Variants in CADM2 observed in about 807,000 individuals in gnomAD.
CADM2 encodes cell adhesion molecule 2, also known as immunoglobulin superfamily member 4D.
A neutral mutation model predicts 49.8 loss-of-function variants in CADM2; 12 were observed. That is an observed-to-expected ratio of 0.24 (90% confidence interval 0.15 to 0.39). CADM2 has a LOEUF of 0.39. CADM2 is among the 10% of genes least tolerant of loss of function. CADM2 has a pLI of 1.00. For synonymous variants in CADM2, 214 were observed against 175.4 expected (o/e 1.22, Z -1.74); for missense variants, 378 against 492.3 (o/e 0.77, Z 2.20).
chr3:85,951,430 A>G (rs1167706658), intron 7 of CADM2, among the ~76,000 whole-genome samples: 1 of 151,096 alleles, frequency 6.6e-6, no homozygotes, highest in African/African-American at 2.4e-5. Context: ...TTCTCTGTAC[A>G]TTTATGCTTC....
intron 8 of CADM2, among the ~76,000 whole-genome samples, chr3:85,985,242 T>C (rs1336222238): frequency 2.0e-5 from 3 of 151,990 alleles, no homozygotes; most frequent in Non-Finnish European, 4.4e-5. Context: ...CTTCTACCTG[T>C]CTTTCCATGT....
chr3:85,977,124 A>C (rs1330752366), intron 8 of CADM2, among the ~76,000 whole-genome samples: 1 of 151,024 alleles, frequency 6.6e-6, no homozygotes, highest in Non-Finnish European at 1.5e-5. Flanking sequence ...AAATACTACT[A>C]TAATAATAAT....
intron 8 of CADM2, among the ~76,000 whole-genome samples, chr3:85,978,402 T>C (rs1235437288): frequency 2.0e-5 from 3 of 151,638 alleles, no homozygotes; most frequent in African/African-American, 7.3e-5. Flanking sequence ...ACACTTCAAG[T>C]ATATGTTCAG....
chr3:85,544,061 A>G (rs1288930163), intron 1 of CADM2, among the ~76,000 whole-genome samples: 1 of 152,222 alleles, frequency 6.6e-6, no homozygotes, highest in Non-Finnish European at 1.5e-5. Context: ...GTACAAAAAG[A>G]GAAAAAATTA....
intron 1 of CADM2, among the ~76,000 whole-genome samples, chr3:85,412,678 C>G (rs368981254): frequency 2.3e-4 from 35 of 152,002 alleles, no homozygotes; most frequent in African/African-American, 8.2e-4. Context: ...ACAAAATTAT[C>G]ATCCTATTGA....
rs868412289 is a variant in CADM2, at chr3:85,832,860, A to G, written c.238+30664A>G. On this transcript the variant is annotated intron_variant, in intron 3 of 9. Coordinates refer to ENST00000383699, the MANE Select transcript of CADM2 (RefSeq NM_001167675.2). ...TAAAGTGTTGAATAGGAGTGGTGAG[A>G]GTGGGCATCCTCATCTTGTTACATC... is the stretch of plus-strand genomic sequence containing the variant. 3.3e-5 allele frequency among the ~76,000 whole-genome samples: 5 copies of G among 151,866 alleles called. No individual in the cohort carries two copies. In the South Asian group the frequency reaches 6.2e-4, roughly 19 times the overall value.
intron 1 of CADM2, among the ~76,000 whole-genome samples, chr3:85,496,855 T>G (rs1162988616): frequency 6.6e-6 from 1 of 152,188 alleles, no homozygotes; most frequent in African/African-American, 2.4e-5. Context: ...ATTTATTTTC[T>G]AATTTTTTAG....
chr3:85,901,057 C>A (rs922959436), intron 5 of CADM2, among the ~76,000 whole-genome samples: 1 of 152,054 alleles, frequency 6.6e-6, no homozygotes, highest in Non-Finnish European at 1.5e-5. Context: ...ATTAGCTGGG[C>A]GTGGTGGTGC....
At chr3:84,979,704 AG>A (rs1286903156) in intron 1 of CADM2, among the ~76,000 whole-genome samples, 3 of 152,102 alleles carry the variant, frequency 2.0e-5, no homozygotes, top group Admixed American at 1.3e-4. Flanking sequence ...TAAAAAAAAA[AG>A]GTGTTCTTCA....
chr3:85,746,654 G>A (rs1447910906), intron 2 of CADM2, among the ~76,000 whole-genome samples: 1 of 151,934 alleles, frequency 6.6e-6, no homozygotes, highest in African/African-American at 2.4e-5. Context: ...AATGTCTCAT[G>A]TCTGCTTTAG....
intron 8 of CADM2, among the ~76,000 whole-genome samples, chr3:85,968,426 A>G (rs1725724640): frequency 6.6e-6 from 1 of 151,726 alleles, no homozygotes; most frequent in Admixed American, 6.6e-5. Context: ...AGATGAGCAT[A>G]AAGTAGGTAC....
At position 85,860,468 on chromosome 3, in the gene CADM2, C is replaced by T. The variant is rs557947299; in HGVS notation, c.239-22823C>T. Among the ~76,000 whole-genome samples the T allele has an allele frequency of 2.0e-4, 31 of 152,158 alleles. No homozygotes were observed. In the South Asian group the frequency reaches 3.1e-3, roughly 15 times the overall value. On this transcript the variant is annotated intron_variant, in intron 3 of 9. Transcript: ENST00000383699. ...CAATACTAAATTTAGTGTCTTTGTCCTATTTGTGCTGCTATAACAAAATTT... is the reference window on the plus strand; with the variant it reads ...CAATACTAAATTTAGTGTCTTTGTCTTATTTGTGCTGCTATAACAAAATTT...
chr3:85,318,973 T>C (rs2107091565), intron 1 of CADM2, among the ~76,000 whole-genome samples: 1 of 152,294 alleles, frequency 6.6e-6, no homozygotes, highest in Middle Eastern at 3.4e-3. Flanking sequence ...CAGGATTAAA[T>C]TGTGAATTTT....
chr3:85,013,833 TTAATA>T (rs2034111928), intron 1 of CADM2, among the ~76,000 whole-genome samples: 2 of 147,620 alleles, frequency 1.4e-5, no homozygotes, highest in Non-Finnish European at 3.0e-5. Context: ...TTAATTAATA[TTAATA>T]TAATATTGTA....
At chr3:85,198,368 G>A (rs1357239965) in intron 1 of CADM2, among the ~76,000 whole-genome samples, 1 of 149,936 alleles carries the variant, frequency 6.7e-6, no homozygotes, top group Non-Finnish European at 1.5e-5. Context: ...TATTTCTTTT[G>A]ATTATATTCA....
intron 1 of CADM2, among the ~76,000 whole-genome samples, chr3:85,701,396 T>G (rs1403704039): frequency 2.0e-5 from 3 of 152,166 alleles, no homozygotes; most frequent in African/African-American, 4.8e-5. Context: ...CTTCTTTGAG[T>G]ACTTTACCTT....
In CADM2 at chr3:85,230,999, G is replaced by GA. The variant is rs554941422; in HGVS notation, c.61+271342dup. ...AGTGTTGCATGTTTGTTTTTTTCTG[G>GA]AAAAAAAAAAACTCTCTTGCCTTAC... On this transcript the variant is annotated intron_variant, in intron 1 of 9. Transcript: ENST00000383699. 7.2e-3 allele frequency among the ~76,000 whole-genome samples: 1,044 copies of GA among 144,840 alleles called. 6 individuals are homozygous for GA. The highest frequency in any genetic ancestry group is 0.021 in the African/African-American group (849 of 40,006).
At chr3:85,557,256 T>C (rs1163254321) in intron 1 of CADM2, among the ~76,000 whole-genome samples, 1 of 152,036 alleles carries the variant, frequency 6.6e-6, no homozygotes, top group Non-Finnish European at 1.5e-5. Flanking sequence ...TGTATGTAGA[T>C]ACAGCTGTAG....
intron 1 of CADM2, among the ~76,000 whole-genome samples, chr3:85,545,427 A>C (rs1223444191): frequency 2.0e-5 from 3 of 152,198 alleles, no homozygotes; most frequent in African/African-American, 2.4e-5. Context: ...TTTAGCTTAA[A>C]AACTTTAATA....
Sources: gnomAD v4.1 joint callset for allele counts (sites outside exome capture counted in the v4.1 genomes callset) on GRCh38, gnomAD v4.1.1 for gene constraint, MANE v1.5 for transcripts, NCBI Gene and HGNC (gene_info 2026-07-23, HGNC 2026-07-21) for gene names.